The following GLYATL1 variants were observed in gnomAD, a reference collection of about 807,000 sequenced individuals.
The protein encoded by GLYATL1 is glycine-N-acyltransferase like 1.
Under a neutral mutation model 20.0 loss-of-function variants are expected in GLYATL1, and 15 were observed. The observed-to-expected ratio is 0.75, with a 90% CI of 0.50 to 1.15. GLYATL1 has a LOEUF of 1.15. GLYATL1 is among the 50% of genes most tolerant of loss of function. The probability of loss-of-function intolerance (pLI) is 0.00; values close to 1 mark genes in which losing one functional copy is unlikely to be tolerated. For missense variants in GLYATL1, 380 were observed against 368.5 expected (o/e 1.03, Z -0.26); for synonymous variants, 151 against 131.5 (o/e 1.15, Z -1.01).
At chr11:58,952,477 A>G (rs1384404537) in intron 4 of GLYATL1, among the ~76,000 whole-genome samples, 1 of 152,230 alleles carries the variant, frequency 6.6e-6, no homozygotes, top group Non-Finnish European at 1.5e-5. Context: ...ACCAAAGTCT[A>G]CTATTAAAAT....
At chr11:58,944,936 A>G (rs1263916476) in intron 2 of GLYATL1, among the ~76,000 whole-genome samples, 1 of 151,460 alleles carries the variant, frequency 6.6e-6, no homozygotes, top group Non-Finnish European at 1.5e-5. Context: ...AAATGGACCA[A>G]TATCATCGGA....
Position 58,956,094 on chromosome 11 carries a change from G to A in GLYATL1, c.*67G>A. ...ATATTAAAGCAGACACCACAGAATA[G>A]ATTTCTTCACTTACAAATGCATATT... On this transcript the variant is annotated 3_prime_UTR_variant, in exon 7 of 7. Coordinates refer to ENST00000532726, the MANE Select transcript of GLYATL1 (RefSeq NM_001389712.2). 7.2e-7 allele frequency: 1 copy of A among 1,391,884 alleles called. No homozygotes were observed. The highest frequency in any genetic ancestry group is 9.9e-7 in the Non-Finnish European group (1 of 1,006,204). The allele number at this position is 1,391,884 out of a possible 1,614,324, so 86.2% of individuals were successfully genotyped here. A position where few individuals can be genotyped will look rare whatever the true frequency, so the allele number is the denominator to read the frequency against.
At position 58,955,597 on chromosome 11, in the gene GLYATL1, T is replaced by C; in HGVS notation, c.492-13T>C. 2 of 1,608,544 alleles carry C rather than the reference T, an allele frequency of 1.2e-6. No homozygotes were observed. Among genetic ancestry groups the C allele is most frequent in the Non-Finnish European group, 1.7e-6 (2 of 1,176,362 alleles). ...GGGATGAAAGTTGTTGTCTTTCTTT[T>C]TGTTGTCTACAGTGAAACTCCCAAC... On this transcript the variant is annotated splice_polypyrimidine_tract_variant and intron_variant, in intron 6 of 6. Coordinates refer to ENST00000532726, the MANE Select transcript of GLYATL1 (RefSeq NM_001389712.2).
chr11:58,949,225 G>A (rs1314379903), intron 4 of GLYATL1, among the ~76,000 whole-genome samples: 2 of 152,142 alleles, frequency 1.3e-5, no homozygotes, highest in Non-Finnish European at 2.9e-5. Flanking sequence ...ACTTCATGTA[G>A]GTGTAAACGC....
chr11:58,918,535 C>T (rs572950228), intron 1 of GLYATL1, among the ~76,000 whole-genome samples: 4 of 152,236 alleles, frequency 2.6e-5, no homozygotes, highest in African/African-American at 9.6e-5. Context: ...TCTATGAGCT[C>T]TTCTCCTTAT....
chr11:58,933,424 C>T (rs934541055), intron 1 of GLYATL1, among the ~76,000 whole-genome samples: 1 of 152,164 alleles, frequency 6.6e-6, no homozygotes. Flanking sequence ...CAGGCTTATT[C>T]CTCTATTTAT....
chr11:58,944,664 A>G (rs1386638986), intron 2 of GLYATL1, among the ~76,000 whole-genome samples: 2 of 152,190 alleles, frequency 1.3e-5, no homozygotes, highest in Non-Finnish European at 2.9e-5. Context: ...ATTTGGGTAC[A>G]TATGTAAAAG....
intron 2 of GLYATL1, among the ~76,000 whole-genome samples, chr11:58,945,047 G>GTATA (rs35054821): frequency 0.015 from 2,153 of 144,454 alleles, 26 homozygotes; most frequent in African/African-American, 0.017. Context: ...ATATATAGGG[G>GTATA]TATATATATA....
chr11:58,936,477 T>G (rs1297900027), upstream of GLYATL1, among the ~76,000 whole-genome samples: 1 of 152,240 alleles, frequency 6.6e-6, no homozygotes, highest in Non-Finnish European at 1.5e-5. Flanking sequence ...TTCAGGAAGT[T>G]AGGCAGGTGC....
In GLYATL1 at chr11:58,955,648, CT is replaced by C. The variant is rs1187175357; in HGVS notation, c.532del (p.Tyr178IlefsTer5). 1.2e-6 allele frequency: 2 copies of C among 1,614,154 alleles called. No homozygotes were observed. The highest frequency in any genetic ancestry group is 2.2e-5 in the South Asian group (2 of 91,076). On this transcript the variant is annotated frameshift_variant, in exon 7 of 7. Coordinates refer to ENST00000532726, the MANE Select transcript of GLYATL1 (RefSeq NM_001389712.2). LOFTEE classifies it low-confidence loss of function (END_TRUNC). ...TTTAAGTATGCCCAGCTGGATGTCTCTTATTCTGGGCTGGTAAATGACAACT... is the reference window on the plus strand; with the variant it reads ...TTTAAGTATGCCCAGCTGGATGTCTCTATTCTGGGCTGGTAAATGACAACT... Reference protein sequence around the residue: ...PNFKYAQLDVSYSGLVNDNWK... With the variant: ...PNFKYAQLDVXYSGLVNDNWK...
chr11:58,941,786 G>A (rs1590792411), intron 1 of GLYATL1, among the ~76,000 whole-genome samples: 1 of 152,330 alleles, frequency 6.6e-6, no homozygotes, highest in East Asian at 1.9e-4. Context: ...GGTGACTGGA[G>A]TCTAACTTAG....
intron 1 of GLYATL1, 174 bp from the exon 2 acceptor site, chr11:58,943,369 C>T (rs1392816302): frequency 6.5e-7 from 1 of 1,546,906 alleles, no homozygotes. Flanking sequence ...TACCTGATTT[C>T]TGGTTCCTGT....
At chr11:58,943,210 A>G (rs1856295447) in intron 1 of GLYATL1, 41 of 1,416,458 alleles carry the variant, frequency 2.9e-5, no homozygotes, top group Non-Finnish European at 3.8e-5. Context: ...GACAAAATTG[A>G]AAACCTAATT....
chr11:58,922,117 C>A (rs1335533176), intron 1 of GLYATL1, among the ~76,000 whole-genome samples: 4 of 152,150 alleles, frequency 2.6e-5, no homozygotes, highest in Non-Finnish European at 4.4e-5. Context: ...CAGTGGTGAT[C>A]CTCTTCAAGA....
At chr11:58,910,311 G>T (rs777342009), downstream of GLYATL1, among the ~76,000 whole-genome samples, 7 of 152,080 alleles carry the variant, frequency 4.6e-5, no homozygotes, top group Non-Finnish European at 4.4e-5. Flanking sequence ...TGCTTAGGAG[G>T]AGTTCTTCAA....
rs369057693 is a variant in GLYATL1 at position 58,915,236 on chromosome 11, C to A, written n.264+9575C>A. ...GAAGGCATACAGTAAGTGCAGATTA[C>A]CCAATTCAGTAATTTATTCTGATTT... On this transcript the variant is annotated intron_variant and non_coding_transcript_variant, in intron 1 of 2. Coordinates refer to the GLYATL1 transcript ENST00000534674. Among the ~76,000 whole-genome samples the A allele has an allele frequency of 4.6e-5, 7 of 152,326 alleles. No homozygotes were observed. In the East Asian group the frequency reaches 1.3e-3, roughly 29 times the overall value.
At position 58,955,287 on chromosome 11, in the gene GLYATL1, A is replaced by G. The variant is rs376166268; in HGVS notation, c.425A>G (p.Asn142Ser). 1.3e-5 allele frequency: 21 copies of G among 1,614,068 alleles called. No homozygotes were observed. In the East Asian group the frequency reaches 1.8e-4, roughly 14 times the overall value. Residue 142 changes from asparagine (N) to serine (S), a missense_variant, in exon 6 of 7, where the codon AAT (asparagine) becomes AGT (serine). Coordinates refer to ENST00000532726, the MANE Select transcript of GLYATL1 (RefSeq NM_001389712.2). The part of the protein sequence containing the change: ...LLVTEDILKL[N>S]ASSKSKLGSW... Reference sequence around the variant, plus strand: ...GTTACGGAAGATATTCTGAAGCTCAATGCCTCCAGTAAAAGCAAGCTTGGA... The same window carrying G: ...GTTACGGAAGATATTCTGAAGCTCAGTGCCTCCAGTAAAAGCAAGCTTGGA...
At chr11:58,944,016 A>G (rs1392773312) in intron 2 of GLYATL1, among the ~76,000 whole-genome samples, 2 of 151,812 alleles carry the variant, frequency 1.3e-5, no homozygotes, top group Non-Finnish European at 2.9e-5. Flanking sequence ...GTTCATCAAG[A>G]GAACCTAAGA....
chr11:58,955,396 T>C, intron 6 of GLYATL1, 43 bp downstream of exon 6: 2 of 1,541,056 alleles, frequency 1.3e-6, no homozygotes, highest in African/African-American at 1.4e-5. Context: ...CGATTCCTTG[T>C]ACATTTTTGT....
Sources: allele counts gnomAD v4.1 joint callset (sites outside exome capture counted in the v4.1 genomes callset), GRCh38; gene constraint gnomAD v4.1.1; transcripts MANE v1.5; gene names NCBI Gene and HGNC (gene_info 2026-07-23, HGNC 2026-07-21).